The following MEI4 variants were observed in gnomAD, a reference collection of about 807,000 sequenced individuals.
MEI4 encodes meiosis-specific protein MEI4.
In MEI4, 27 loss-of-function variants were observed where a neutral mutation model predicts 31.4. The ratio of observed to expected loss-of-function variants is 0.86; its 90% CI spans 0.63 to 1.19. The LOEUF is 1.19. Ranked by LOEUF, MEI4 falls within the 50% of genes most tolerant of loss-of-function variation. The probability of loss-of-function intolerance (pLI) is 0.00; values close to 1 mark genes in which losing one functional copy is unlikely to be tolerated. For synonymous variants in MEI4, 122 were observed against 145.4 expected (o/e 0.84, Z 1.16); for missense variants, 329 against 398.9 (o/e 0.82, Z 1.49).
rs149920537 is a variant in MEI4 at position 77,766,634 on chromosome 6, G to T, written c.768+4969G>T. Among the ~76,000 whole-genome samples, 591 of 152,076 alleles carry T rather than the reference G, an allele frequency of 3.9e-3. 5 individuals carry two copies. Among genetic ancestry groups the T allele is most frequent in the African/African-American group, 0.014 (564 of 41,492 alleles). On this transcript the variant is annotated intron_variant, in intron 3 of 4. Transcript: ENST00000684080. ...TCACCGTGTTAGCCAGGATGATCTC[G>T]ATCTCCTGACCTCGTGATCCGCCCA... is the stretch of plus-strand genomic sequence containing the variant.
intron 2 of MEI4, among the ~76,000 whole-genome samples, chr6:77,750,800 C>A (rs1767750535): frequency 6.6e-6 from 1 of 152,184 alleles, no homozygotes; most frequent in Admixed American, 6.5e-5. Context: ...CTCTCCACCC[C>A]AAATCAACAG....
chr6:77,660,239 G>A (rs999479777), intron 1 of MEI4, among the ~76,000 whole-genome samples: 3 of 152,168 alleles, frequency 2.0e-5, no homozygotes, highest in African/African-American at 7.2e-5. Context: ...AGTTGATAGT[G>A]TGGTGGAGGT....
intron 2 of MEI4, among the ~76,000 whole-genome samples, chr6:77,737,285 G>T (rs1291681373): frequency 6.6e-6 from 1 of 152,212 alleles, no homozygotes; most frequent in Non-Finnish European, 1.5e-5. Context: ...GTTTAGAATT[G>T]TTTGGGAGAG....
In MEI4 at chr6:77,837,971, C is replaced by T. The variant is rs1770262440; in HGVS notation, c.900+8909C>T. On this transcript the variant is annotated intron_variant, in intron 4 of 4. Coordinates refer to ENST00000684080, the MANE Select transcript of MEI4 (RefSeq NM_001322247.2). ...TCTTAAAATATTGACAACAGTGCCA[C>T]CTATCTCATACAGTTTTTGGGGGTC... Among the ~76,000 whole-genome samples the T allele has an allele frequency of 2.6e-5, 4 of 152,190 alleles. No homozygotes were observed. In the South Asian group the frequency reaches 8.3e-4, roughly 32 times the overall value.
At chr6:77,662,551 T>G (rs1229675632) in intron 1 of MEI4, among the ~76,000 whole-genome samples, 3 of 152,172 alleles carry the variant, frequency 2.0e-5, no homozygotes, top group Non-Finnish European at 2.9e-5. Context: ...AAAATAAATT[T>G]TGGAAATTAT....
At chr6:77,715,790 T>G (rs780876866) in intron 2 of MEI4, among the ~76,000 whole-genome samples, 1 of 152,258 alleles carries the variant, frequency 6.6e-6, no homozygotes, top group Non-Finnish European at 1.5e-5. Flanking sequence ...GTTCATATAC[T>G]TAACGTCACG....
chr6:77,883,010 T>C (rs1581949082), intron 4 of MEI4, among the ~76,000 whole-genome samples: 1 of 152,296 alleles, frequency 6.6e-6, no homozygotes, highest in African/African-American at 2.4e-5. Context: ...ACATTTTTTT[T>C]CCAGAAAATA....
chr6:77,793,821 A>G (rs999910180), intron 3 of MEI4, among the ~76,000 whole-genome samples: 1 of 152,098 alleles, frequency 6.6e-6, no homozygotes, highest in Non-Finnish European at 1.5e-5. Context: ...AAATGAAAGC[A>G]TACCACAAGA....
intron 3 of MEI4, among the ~76,000 whole-genome samples, chr6:77,827,937 C>T (rs1027414688): frequency 2.5e-4 from 38 of 152,026 alleles, no homozygotes; most frequent in East Asian, 1.9e-4. Context: ...ATTCTCTTCT[C>T]ATCAGTGTTC....
In MEI4 at chr6:77,841,333, A is replaced by ATATATATATATAT; in HGVS notation, c.900+12272_900+12273insATATATATATATT. On this transcript the variant is annotated intron_variant, in intron 4 of 4. Transcript: ENST00000684080. ...TGTGTGCATATATATATATATATAT[A>ATATATATATATAT]TTTTTTTTTTTTTTTTTTTTTTTGA... Among the ~76,000 whole-genome samples, 44 of 27,730 alleles carry ATATATATATATAT rather than the reference A, an allele frequency of 1.6e-3. 2 individuals carry two copies. Among genetic ancestry groups the ATATATATATATAT allele is most frequent in the East Asian group, 6.7e-3 (3 of 446 alleles). The allele number at this position is 27,730 out of a possible 152,430, so 18.2% of individuals were successfully genotyped here.
At chr6:77,871,632 C>T (rs1771195454) in intron 4 of MEI4, among the ~76,000 whole-genome samples, 1 of 152,046 alleles carries the variant, frequency 6.6e-6, no homozygotes, top group African/African-American at 2.4e-5. Flanking sequence ...ATTTGTACTC[C>T]AAACCTCAGC....
intron 3 of MEI4, among the ~76,000 whole-genome samples, chr6:77,795,338 TAA>T (rs1239327146): frequency 6.6e-6 from 1 of 152,100 alleles, no homozygotes; most frequent in Non-Finnish European, 1.5e-5. Flanking sequence ...CCAAATTGAT[TAA>T]AAAAGACATG....
intron 3 of MEI4, among the ~76,000 whole-genome samples, chr6:77,777,591 C>T (rs1003792020): frequency 6.6e-6 from 1 of 152,178 alleles, no homozygotes; most frequent in African/African-American, 2.4e-5. Context: ...AAAGAGCAGC[C>T]AAATCATCCT....
intron 2 of MEI4, among the ~76,000 whole-genome samples, chr6:77,728,368 G>T (rs1387646403): frequency 6.6e-6 from 1 of 151,994 alleles, no homozygotes; most frequent in African/African-American, 2.4e-5. Context: ...CATGTATAAA[G>T]ATACTACACA....
chr6:77,884,037 T>A (rs1771563645), intron 4 of MEI4, among the ~76,000 whole-genome samples: 1 of 152,000 alleles, frequency 6.6e-6, no homozygotes. Flanking sequence ...TTTTTTGTCT[T>A]TTGGATAATA....
At chr6:77,877,056 G>A (rs1771358526) in intron 4 of MEI4, among the ~76,000 whole-genome samples, 1 of 152,070 alleles carries the variant, frequency 6.6e-6, no homozygotes, top group Non-Finnish European at 1.5e-5. Context: ...AAGGCTAGAA[G>A]TATAATGTGC....
At chr6:77,798,620 C>A (rs1036987405) in intron 3 of MEI4, among the ~76,000 whole-genome samples, 2 of 149,994 alleles carry the variant, frequency 1.3e-5, no homozygotes, top group Non-Finnish European at 3.0e-5. Flanking sequence ...TTAGGTATAT[C>A]TCCTAAAGCT....
intron 4 of MEI4, among the ~76,000 whole-genome samples, chr6:77,907,395 T>A (rs1016906098): frequency 1.3e-5 from 2 of 152,154 alleles, no homozygotes; most frequent in African/African-American, 4.8e-5. Context: ...GTGTTTGGTT[T>A]TTTGTCCTTG....
At chr6:77,806,247 A>G (rs1054377958) in intron 3 of MEI4, among the ~76,000 whole-genome samples, 3 of 152,146 alleles carry the variant, frequency 2.0e-5, no homozygotes, top group African/African-American at 7.2e-5. Context: ...TGATTTAATC[A>G]GTGTTGTTCA....
Sources: gnomAD v4.1 joint callset for allele counts (sites outside exome capture counted in the v4.1 genomes callset) on GRCh38, gnomAD v4.1.1 for gene constraint, MANE v1.5 for transcripts, NCBI Gene and HGNC (gene_info 2026-07-23, HGNC 2026-07-21) for gene names.